CFAP299: variants seen among roughly 807,000 people sequenced by gnomAD.
CFAP299 encodes cilia and flagella associated protein 299.
Under a neutral mutation model 27.0 loss-of-function variants are expected in CFAP299, and 21 were observed. The observed-to-expected ratio is 0.78, with a 90% CI of 0.55 to 1.12. The LOEUF is 1.12. CFAP299 is among the 50% of genes most tolerant of loss of function. The pLI is 0.00. For missense variants in CFAP299, 310 were observed against 276.6 expected (o/e 1.12, Z -0.86); for synonymous variants, 104 against 98.1 (o/e 1.06, Z -0.36).
At chr4:80,437,917 T>G (rs1390368363) in intron 2 of CFAP299, among the ~76,000 whole-genome samples, 2 of 150,342 alleles carry the variant, frequency 1.3e-5, no homozygotes, top group Non-Finnish European at 3.0e-5. Flanking sequence ...TTTCTTTAGG[T>G]TTCTTTCTTA....
intron 3 of CFAP299, among the ~76,000 whole-genome samples, chr4:80,615,063 AT>A (rs1490228374): frequency 6.6e-6 from 1 of 152,206 alleles, no homozygotes; most frequent in East Asian, 1.9e-4. Context: ...CTTCATTCAT[AT>A]TTTAATGATG....
At chr4:80,702,814 CAA>C (rs1721584463) in intron 3 of CFAP299, among the ~76,000 whole-genome samples, 1 of 151,786 alleles carries the variant, frequency 6.6e-6, no homozygotes, top group Non-Finnish European at 1.5e-5. Flanking sequence ...CAGAAAAACT[CAA>C]AACAATTCCA....
intron 2 of CFAP299, among the ~76,000 whole-genome samples, chr4:80,433,843 C>T (rs1288705768): frequency 6.6e-6 from 1 of 152,144 alleles, no homozygotes; most frequent in Non-Finnish European, 1.5e-5. Flanking sequence ...TTTCTCTACA[C>T]TCACTGGGAA....
chr4:80,897,203 T>C (rs746934844), intron 4 of CFAP299, among the ~76,000 whole-genome samples: 2 of 152,168 alleles, frequency 1.3e-5, no homozygotes, highest in Non-Finnish European at 1.5e-5. Flanking sequence ...GGAAGTTCTT[T>C]ATAGGGTATT....
chr4:80,512,790 G>T (rs1732383017), intron 2 of CFAP299, among the ~76,000 whole-genome samples: 1 of 152,044 alleles, frequency 6.6e-6, no homozygotes, highest in Admixed American at 6.6e-5. Context: ...CCCTCTGCAA[G>T]ATTAACTTCA....
At chr4:80,490,226 C>T (rs2172878) in intron 2 of CFAP299, among the ~76,000 whole-genome samples, 35,514 of 152,112 alleles carry the variant, frequency 0.23, 5,556 homozygotes, top group African/African-American at 0.43. Flanking sequence ...TTTAGACATT[C>T]ACATAGCTTG....
chr4:80,538,491 A>C (rs1050226950), intron 2 of CFAP299, among the ~76,000 whole-genome samples: 1 of 151,692 alleles, frequency 6.6e-6, no homozygotes, highest in Non-Finnish European at 1.5e-5. Flanking sequence ...TCACTCACTG[A>C]CTCACCGAGA....
At chr4:80,572,204 C>A (rs997506637) in intron 2 of CFAP299, among the ~76,000 whole-genome samples, 3 of 151,998 alleles carry the variant, frequency 2.0e-5, no homozygotes, top group Non-Finnish European at 1.5e-5. Context: ...TATTTTGGCT[C>A]TTTTAAATGT....
At chr4:80,362,985 G>C in intron 2 of CFAP299, 101 bp downstream of exon 2, 3 of 1,331,726 alleles carry the variant, frequency 2.3e-6, no homozygotes, top group Non-Finnish European at 3.0e-6. Context: ...ACTGGGTGGA[G>C]CAGGTAAAAC....
At chr4:80,431,712 A>T (rs1704229648) in intron 2 of CFAP299, among the ~76,000 whole-genome samples, 1 of 152,212 alleles carries the variant, frequency 6.6e-6, no homozygotes, top group Admixed American at 6.5e-5. Flanking sequence ...AGGACATCAC[A>T]GAGAAGCCTC....
intron 2 of CFAP299, among the ~76,000 whole-genome samples, chr4:80,550,591 G>A (rs1734455365): frequency 6.6e-6 from 1 of 151,894 alleles, no homozygotes; most frequent in South Asian, 2.1e-4. Context: ...TTAAGAATTA[G>A]TTATATTGAA....
chr4:80,590,640 A>G (rs1314556752), intron 3 of CFAP299, among the ~76,000 whole-genome samples: 1 of 152,212 alleles, frequency 6.6e-6, no homozygotes, highest in East Asian at 1.9e-4. Context: ...TCTGTCTCAG[A>G]AAACAAAACA....
At chr4:80,920,121 G>A (rs1735972526) in intron 4 of CFAP299, among the ~76,000 whole-genome samples, 1 of 151,946 alleles carries the variant, frequency 6.6e-6, no homozygotes, top group Non-Finnish European at 1.5e-5. Flanking sequence ...CTTTTCAAAG[G>A]TACAGGGAAA....
At position 80,806,569 on chromosome 4, in the gene CFAP299, C is replaced by G. The variant is rs542722414; in HGVS notation, c.334-63424C>G. ...ATTACAAACAAACCAGCAAACATCC[C>G]TGCCCTATTGAATTCAATTTGCAGT... On this transcript the variant is annotated intron_variant, in intron 3 of 5. Transcript: ENST00000358105. 2.6e-5 allele frequency among the ~76,000 whole-genome samples: 4 copies of G among 152,308 alleles called. No individual in the cohort carries two copies. The South Asian group carries it at 8.3e-4, about 32-fold the overall frequency.
At chr4:80,603,472 A>G (rs1187344687) in intron 3 of CFAP299, among the ~76,000 whole-genome samples, 1 of 152,158 alleles carries the variant, frequency 6.6e-6, no homozygotes, top group Admixed American at 6.5e-5. Context: ...TATAATAGCT[A>G]TCGCTGAGTG....
At chr4:80,644,487 C>A (rs1438058764) in intron 3 of CFAP299, among the ~76,000 whole-genome samples, 1 of 152,158 alleles carries the variant, frequency 6.6e-6, no homozygotes, top group Non-Finnish European at 1.5e-5. Context: ...CTAACAATTT[C>A]ATTCAGTGGT....
intron 3 of CFAP299, among the ~76,000 whole-genome samples, chr4:80,695,674 C>CTTT (rs5859732): frequency 8.0e-5 from 11 of 136,908 alleles, no homozygotes; most frequent in South Asian, 2.4e-4. Flanking sequence ...CCTTATCATC[C>CTTT]TTTTTTTTTT....
intron 3 of CFAP299, among the ~76,000 whole-genome samples, chr4:80,676,768 T>A (rs1719489566): frequency 6.6e-6 from 1 of 152,124 alleles, no homozygotes; most frequent in African/African-American, 2.4e-5. Context: ...CTATGGTGAT[T>A]ATTTGTATTT....
At chr4:80,396,437 T>C (rs1223534927) in intron 2 of CFAP299, among the ~76,000 whole-genome samples, 1 of 152,182 alleles carries the variant, frequency 6.6e-6, no homozygotes, top group East Asian at 1.9e-4. Context: ...ATACATTTTA[T>C]ATTTACAATT....
Sources: allele counts gnomAD v4.1 joint callset (sites outside exome capture counted in the v4.1 genomes callset), GRCh38; gene constraint gnomAD v4.1.1; transcripts MANE v1.5; gene names NCBI Gene and HGNC (gene_info 2026-07-23, HGNC 2026-07-21).